DLG2: variants seen among roughly 807,000 people sequenced by gnomAD.
DLG2 encodes the protein discs large MAGUK scaffold protein 2.
In DLG2, 45 loss-of-function variants were observed where a neutral mutation model predicts 132.5. That is an observed-to-expected ratio of 0.34 (90% confidence interval 0.27 to 0.44). DLG2 has a LOEUF of 0.44. Ranked by LOEUF, DLG2 falls within the 20% of genes least tolerant of loss-of-function variation. DLG2 has a pLI of 1.00. For synonymous variants in DLG2, 424 were observed against 419.6 expected, an observed-to-expected ratio of 1.01 and a Z score of -0.13; for missense variants, 1,045 against 1,196.9, an observed-to-expected ratio of 0.87 and a Z score of 1.87.
At chr11:84,404,615 T>C (rs2098842176) in intron 7 of DLG2, among the ~76,000 whole-genome samples, 1 of 152,206 alleles carries the variant, frequency 6.6e-6, no homozygotes, top group South Asian at 2.1e-4. Flanking sequence ...ACTAGATATC[T>C]ATGTACAGGA....
chr11:83,608,210 C>T (rs1258286816), intron 19 of DLG2, among the ~76,000 whole-genome samples: 1 of 152,196 alleles, frequency 6.6e-6, no homozygotes, highest in East Asian at 1.9e-4. Flanking sequence ...ACGTACCAAA[C>T]ATCATAGCTT....
At chr11:84,457,413 T>C (rs1488944810) in intron 7 of DLG2, among the ~76,000 whole-genome samples, 1 of 150,958 alleles carries the variant, frequency 6.6e-6, no homozygotes, top group Admixed American at 6.6e-5. Context: ...TCAGTAAAAA[T>C]ACAAAATGTT....
At chr11:85,496,671 G>A (rs2093675096) in intron 3 of DLG2, among the ~76,000 whole-genome samples, 1 of 152,102 alleles carries the variant, frequency 6.6e-6, no homozygotes, top group African/African-American at 2.4e-5. Flanking sequence ...CCCAGTAGGG[G>A]CCAACAGACA....
chr11:84,241,207 C>T (rs1263616813), intron 8 of DLG2, among the ~76,000 whole-genome samples: 2 of 152,224 alleles, frequency 1.3e-5, no homozygotes, highest in East Asian at 3.8e-4. Context: ...TGTCTGCCTG[C>T]CTTCCACCAG....
intron 3 of DLG2, among the ~76,000 whole-genome samples, chr11:85,537,183 T>C (rs1348207583): frequency 1.3e-5 from 2 of 152,142 alleles, no homozygotes; most frequent in Non-Finnish European, 2.9e-5. Flanking sequence ...ACTCTGTCAA[T>C]ATGGACCAAT....
intron 8 of DLG2, among the ~76,000 whole-genome samples, chr11:84,183,752 T>C (rs1409852180): frequency 1.3e-5 from 2 of 151,646 alleles, no homozygotes; most frequent in Non-Finnish European, 1.5e-5. Flanking sequence ...CAGGCCCCGG[T>C]GTGTGATGTT....
chr11:85,520,825 A>C (rs988304102), intron 3 of DLG2, among the ~76,000 whole-genome samples: 2 of 152,178 alleles, frequency 1.3e-5, no homozygotes, highest in Admixed American at 6.6e-5. Context: ...GAAGAATGAA[A>C]TTAGACCCCT....
intron 3 of DLG2, among the ~76,000 whole-genome samples, chr11:85,403,198 T>A (rs537577048): frequency 4.2e-4 from 64 of 152,220 alleles, no homozygotes; most frequent in African/African-American, 1.5e-3. Context: ...TGCAGAGACA[T>A]GGATGAAGCT....
At chr11:85,136,245 TTA>T (rs567527864) in intron 5 of DLG2, among the ~76,000 whole-genome samples, 21 of 152,312 alleles carry the variant, frequency 1.4e-4, no homozygotes, top group African/African-American at 4.3e-4. Flanking sequence ...AATATGTATG[TTA>T]TATATTCATT....
intron 11 of DLG2, among the ~76,000 whole-genome samples, chr11:84,024,196 C>T (rs1289040787): frequency 1.3e-5 from 2 of 152,138 alleles, no homozygotes; most frequent in Non-Finnish European, 2.9e-5. Context: ...CGAGAAAGCA[C>T]TGCATTCCTA....
At chr11:85,573,345 T>C (rs1465876371) in intron 3 of DLG2, among the ~76,000 whole-genome samples, 1 of 152,216 alleles carries the variant, frequency 6.6e-6, no homozygotes, top group Non-Finnish European at 1.5e-5. Context: ...TTCAGTTCTT[T>C]TTCAAGGTAA....
intron 6 of DLG2, among the ~76,000 whole-genome samples, chr11:84,715,907 G>A (rs7925680): frequency 0.42 from 64,394 of 151,816 alleles, 16,665 homozygotes; most frequent in African/African-American, 0.74. Context: ...TGCTAATTTC[G>A]TTTCCTTTGG....
intron 3 of DLG2, among the ~76,000 whole-genome samples, chr11:85,436,773 T>C (rs1008946505): frequency 6.6e-6 from 1 of 152,176 alleles, no homozygotes; most frequent in Admixed American, 6.5e-5. Flanking sequence ...GAACCAGAAA[T>C]ACCATTCGAC....
At chr11:83,680,774 A>C (rs1433108220) in intron 18 of DLG2, among the ~76,000 whole-genome samples, 1 of 152,332 alleles carries the variant, frequency 6.6e-6, no homozygotes, top group East Asian at 1.9e-4. Context: ...TGGTATAATC[A>C]GAAAGTATAC....
At chr11:83,981,419 G>T (rs967543822) in intron 11 of DLG2, among the ~76,000 whole-genome samples, 1 of 151,874 alleles carries the variant, frequency 6.6e-6, no homozygotes, top group South Asian at 2.1e-4. Context: ...AGAATAAAAA[G>T]AATGTTAAAA....
At chr11:84,904,025 G>GT (rs1189548774) in intron 6 of DLG2, among the ~76,000 whole-genome samples, 1 of 152,072 alleles carries the variant, frequency 6.6e-6, no homozygotes, top group Non-Finnish European at 1.5e-5. Flanking sequence ...TATTGAGAAC[G>GT]TAAGAAGTGA....
At chr11:84,100,567 C>T (rs1339333043) in intron 9 of DLG2, among the ~76,000 whole-genome samples, 1 of 151,746 alleles carries the variant, frequency 6.6e-6, no homozygotes, top group East Asian at 1.9e-4. Context: ...AATGGCTAGT[C>T]ATGTTTCATC....
At chr11:85,027,800 G>C (rs2060661202) in intron 6 of DLG2, among the ~76,000 whole-genome samples, 1 of 152,220 alleles carries the variant, frequency 6.6e-6, no homozygotes, top group Non-Finnish European at 1.5e-5. Context: ...GCCCCAAAGA[G>C]GGTGTCACAG....
At chr11:83,462,502 A>T (rs1251948000) in intron 26 of DLG2, among the ~76,000 whole-genome samples, 1 of 152,172 alleles carries the variant, frequency 6.6e-6, no homozygotes, top group African/African-American at 2.4e-5. Context: ...GTGATTTCTA[A>T]ATCTGAACTT....
Sources: allele counts gnomAD v4.1 joint callset (sites outside exome capture counted in the v4.1 genomes callset), GRCh38; gene constraint gnomAD v4.1.1; transcripts MANE v1.5; gene names NCBI Gene and HGNC (gene_info 2026-07-23, HGNC 2026-07-21).